U2AF2: variants seen among roughly 807,000 people sequenced by gnomAD.
U2AF2 encodes the protein U2 small nuclear RNA auxiliary factor 2, also known as splicing factor U2AF 65 kDa subunit.
In U2AF2, 6 loss-of-function variants were observed where a neutral mutation model predicts 52.6. That is an observed-to-expected ratio of 0.11 (90% confidence interval 0.06 to 0.23). The LOEUF (loss-of-function observed/expected upper bound fraction) is 0.23, where lower values mean the gene tolerates loss of function less well. Among genes scored for constraint, U2AF2 ranks in the 10% least tolerant of loss-of-function variants. The pLI, the probability that U2AF2 is intolerant of heterozygous loss-of-function variation, is 1.00. For missense variants in U2AF2, 222 were observed against 677.1 expected (o/e 0.33, Z 7.46); for synonymous variants, 284 against 258.2 (o/e 1.10, Z -0.96).
chr19:55,672,779 T>G (rs1433057160), intron 11 of U2AF2, among the ~76,000 whole-genome samples: 1 of 149,276 alleles, frequency 6.7e-6, no homozygotes, highest in Non-Finnish European at 1.5e-5. Flanking sequence ...CAGGCTGGAG[T>G]GCAGTGTGCC....
At chr19:55,663,477 A>T (rs1278385061) in intron 6 of U2AF2, 129 bp from the exon 7 acceptor site, 1 of 1,420,336 alleles carries the variant, frequency 7.0e-7, no homozygotes, top group African/African-American at 1.4e-5. Context: ...CCCAGTGCCC[A>T]GCCTGGGGCC....
intron 11 of U2AF2, among the ~76,000 whole-genome samples, chr19:55,673,322 C>CT (rs11376705): frequency 0.66 from 97,040 of 146,390 alleles, 35,395 homozygotes; most frequent in Middle Eastern, 0.83. Context: ...CTCACTCCCT[C>CT]TTTTTTTTTT....
chr19:55,657,894 G>T (rs1009638473), intron 1 of U2AF2, among the ~76,000 whole-genome samples: 4 of 152,132 alleles, frequency 2.6e-5, no homozygotes, highest in Non-Finnish European at 4.4e-5. Context: ...TCAGCCCCCA[G>T]CAGTGTTTTT....
At chr19:55,660,689 C>T (rs980160400) in intron 4 of U2AF2, 70 bp downstream of exon 4, 2 of 1,432,106 alleles carry the variant, frequency 1.4e-6, no homozygotes, top group Admixed American at 1.9e-5. Context: ...CAGTCATTCC[C>T]CTGCGTGTGT....
chr19:55,673,293 T>C (rs1433040170), intron 11 of U2AF2, among the ~76,000 whole-genome samples: 2 of 151,196 alleles, frequency 1.3e-5, no homozygotes, highest in South Asian at 2.1e-4. Context: ...ACAAAGTTTG[T>C]GTAATTTATC....
chr19:55,659,097 C>T lies in U2AF2; in HGVS notation c.50-113C>T, dbSNP rs754631763. On this transcript the variant is annotated intron_variant, in intron 1 of 11. Coordinates refer to ENST00000308924, the MANE Select transcript of U2AF2 (RefSeq NM_007279.3). ...ATTCCCTTCCTCCATTGAATCCCTT[C>T]CCTTTGGGGGTGGCCTCCCTGGGGC... The T allele has an allele frequency of 5.3e-4, 712 of 1,354,778 alleles. 2 individuals carry two copies. Among genetic ancestry groups the T allele is most frequent in the Non-Finnish European group, 6.3e-4 (656 of 1,041,718 alleles). 83.9% of individuals were successfully genotyped at this position (1,354,778 alleles called of 1,614,324 possible). A position where few individuals can be genotyped will look rare whatever the true frequency, so the allele number is the denominator to read the frequency against.
In U2AF2 at chr19:55,657,786, C is replaced by T. The variant is rs937692547; in HGVS notation, c.50-1424C>T. Reference sequence around the variant, plus strand: ...AGAGTATGGCCTCGTGCTTAACTCACTGATGTCAGAGTGTTTAAATTCTGG... The same window carrying T: ...AGAGTATGGCCTCGTGCTTAACTCATTGATGTCAGAGTGTTTAAATTCTGG... On this transcript the variant is annotated intron_variant, in intron 1 of 11. Transcript: ENST00000308924. Among the ~76,000 whole-genome samples the T allele has an allele frequency of 2.6e-5, 4 of 152,200 alleles. No individual in the cohort carries two copies. In the East Asian group the frequency reaches 5.8e-4, roughly 22 times the overall value.
Position 55,668,986 on chromosome 19 carries a change from C to G in U2AF2, c.946-97C>G. 6.7e-7 allele frequency: 1 copy of G among 1,499,752 alleles called. No individual in the cohort carries two copies. The highest frequency in any genetic ancestry group is 1.2e-5 in the South Asian group (1 of 81,566). The allele number at this position is 1,499,752 out of a possible 1,614,324, so 92.9% of individuals were successfully genotyped here. A position where few individuals can be genotyped will look rare whatever the true frequency, so the allele number is the denominator to read the frequency against. ...TTAATCCCCTTTGCCTTCCCCTCTT[C>G]CCCCACCAATGCCCCGGCTTGGGGG... On this transcript the variant is annotated intron_variant, in intron 9 of 11. Coordinates refer to ENST00000308924, the MANE Select transcript of U2AF2 (RefSeq NM_007279.3). This position sits in a 1 kb window ranked among gnomAD's most constrained non-coding sequence, Gnocchi z 5.5.
chr19:55,655,687 G>T (rs1029687453), intron 1 of U2AF2, among the ~76,000 whole-genome samples: 1 of 152,184 alleles, frequency 6.6e-6, no homozygotes, highest in East Asian at 1.9e-4. Flanking sequence ...ATGCTTGGAG[G>T]CCACGGGCCC....
intron 1 of U2AF2, among the ~76,000 whole-genome samples, chr19:55,657,160 G>A (rs1983847291): frequency 6.6e-6 from 1 of 152,218 alleles, no homozygotes; most frequent in Non-Finnish European, 1.5e-5. Context: ...GGTTCTCCCG[G>A]GGTTTCCCTT....
intron 7 of U2AF2, among the ~76,000 whole-genome samples, chr19:55,664,695 C>T (rs1348537512): frequency 6.6e-6 from 1 of 152,172 alleles, no homozygotes; most frequent in African/African-American, 2.4e-5. Context: ...CTAGGTCCCT[C>T]ACTGGCCTCC....
In U2AF2 at chr19:55,659,349, C is replaced by T; in HGVS notation, c.185+4C>T. ...CCCGGGACAGGCGACGACGCAGGTA[C>T]TAGGGCTCAGGGATCCCCTGGGCCA... is the stretch of plus-strand genomic sequence containing the variant. On this transcript the variant is annotated splice_donor_region_variant and intron_variant, in intron 2 of 11. Transcript: ENST00000308924. 1 of 1,509,122 alleles carries T rather than the reference C, an allele frequency of 6.6e-7. No homozygotes were observed. Among genetic ancestry groups the T allele is most frequent in the Non-Finnish European group, 8.9e-7 (1 of 1,122,458 alleles). The allele number at this position is 1,509,122 out of a possible 1,614,324, so 93.5% of individuals were successfully genotyped here.
chr19:55,666,017 G>A (rs1984527952), intron 7 of U2AF2, among the ~76,000 whole-genome samples: 1 of 152,224 alleles, frequency 6.6e-6, no homozygotes, highest in Non-Finnish European at 1.5e-5. Context: ...TCCTGGGTAG[G>A]GACGTGTGGT....
Position 55,669,331 on chromosome 19 carries a change from G to A in U2AF2, c.1045-113G>A, listed in dbSNP as rs1016753737. 32 of 1,542,250 alleles carry A rather than the reference G, an allele frequency of 2.1e-5. 1 individual carries two copies. Among genetic ancestry groups the A allele is most frequent in the African/African-American group, 4.1e-5 (3 of 73,350 alleles). On this transcript the variant is annotated intron_variant, in intron 10 of 11. Transcript: ENST00000308924. ...GTTGGGGAGTCGGGCTTTAGGTGTT[G>A]GAAGTGGAGAGATGGCCTTTCCCCT...
intron 1 of U2AF2, among the ~76,000 whole-genome samples, chr19:55,656,877 C>G (rs952850967): frequency 1.3e-5 from 2 of 152,200 alleles, no homozygotes; most frequent in Admixed American, 6.5e-5. Flanking sequence ...GGGTCTTCCG[C>G]TCACAGAGAT....
At chr19:55,655,201 T>C in intron 1 of U2AF2, 48 bp downstream of exon 1, 2 of 1,563,260 alleles carry the variant, frequency 1.3e-6, no homozygotes, top group Non-Finnish European at 8.7e-7. Context: ...GCTCCTCGCG[T>C]CGCTCTTTGC....
At chr19:55,664,086 C>T (rs1168117355) in intron 7 of U2AF2, 3 of 247,016 alleles carry the variant, frequency 1.2e-5, no homozygotes, top group East Asian at 1.9e-4. Context: ...AGTCTGTGCC[C>T]GTCGGGGCTG....
intron 11 of U2AF2, among the ~76,000 whole-genome samples, chr19:55,671,160 A>C (rs1984894590): frequency 6.6e-6 from 1 of 152,056 alleles, no homozygotes; most frequent in Non-Finnish European, 1.5e-5. Flanking sequence ...AAAATGAATG[A>C]GGTCTCCCGC....
Position 55,670,168 on chromosome 19 carries a change from C to T in U2AF2, c.1293+476C>T, listed in dbSNP as rs141746230. ...CCTCCCCGTAGCCCCTGAGCCCCAT[C>T]GTGGAAGGAGACAGGCACAGCGGGG... On this transcript the variant is annotated intron_variant, in intron 11 of 11. Transcript: ENST00000308924. Among the ~76,000 whole-genome samples the T allele has an allele frequency of 2.0e-5, 3 of 152,096 alleles. No individual in the cohort carries two copies. In the East Asian group the frequency reaches 5.8e-4, roughly 29 times the overall value.
Sources: allele counts gnomAD v4.1 joint callset (sites outside exome capture counted in the v4.1 genomes callset), GRCh38; gene constraint gnomAD v4.1.1; non-coding constraint Gnocchi (gnomAD v3.1); transcripts MANE v1.5; gene names NCBI Gene and HGNC (gene_info 2026-07-23, HGNC 2026-07-21).